DLC1: variants seen among roughly 807,000 people sequenced by gnomAD.
DLC1 encodes DLC1 Rho GTPase activating protein.
A neutral mutation model predicts 140.3 loss-of-function variants in DLC1; 54 were observed. The ratio of observed to expected loss-of-function variants is 0.38; its 90% CI spans 0.31 to 0.48. The LOEUF (loss-of-function observed/expected upper bound fraction) is 0.48, where lower values mean the gene tolerates loss of function less well. DLC1 is among the 20% of genes least tolerant of loss of function. The pLI, the probability that DLC1 is intolerant of heterozygous loss-of-function variation, is 0.96. For synonymous variants in DLC1, 986 were observed against 728.1 expected, an observed-to-expected ratio of 1.35 and a Z score of -5.70; for missense variants, 2,536 against 1,907.0, an observed-to-expected ratio of 1.33 and a Z score of -6.14.
At chr8:13,245,179 T>C (rs1342409569) in intron 5 of DLC1, among the ~76,000 whole-genome samples, 1 of 152,200 alleles carries the variant, frequency 6.6e-6, no homozygotes, top group Non-Finnish European at 1.5e-5. Context: ...GTGGCCACAC[T>C]GTGAGGAAGC....
chr8:13,427,711 A>G (rs1286285638), intron 2 of DLC1, among the ~76,000 whole-genome samples: 1 of 152,186 alleles, frequency 6.6e-6, no homozygotes, highest in African/African-American at 2.4e-5. Flanking sequence ...TTCTCATGGC[A>G]ATTATAGTCA....
At chr8:13,351,057 A>G (rs771592424) in intron 4 of DLC1, among the ~76,000 whole-genome samples, 1 of 152,210 alleles carries the variant, frequency 6.6e-6, no homozygotes, top group African/African-American at 2.4e-5. Flanking sequence ...GACAGTTTTC[A>G]TGAATAAGGT....
intron 2 of DLC1, among the ~76,000 whole-genome samples, chr8:13,427,423 G>A (rs1344396552): frequency 1.3e-5 from 2 of 152,238 alleles, no homozygotes; most frequent in Non-Finnish European, 2.9e-5. Flanking sequence ...TCATTCTAGT[G>A]AGAGCCATAT....
At chr8:13,505,158 A>T (rs1033756322) in intron 1 of DLC1, among the ~76,000 whole-genome samples, 2 of 152,224 alleles carry the variant, frequency 1.3e-5, no homozygotes, top group Non-Finnish European at 2.9e-5. Flanking sequence ...ATACTCCATA[A>T]GCTGTGGCTA....
intron 5 of DLC1, among the ~76,000 whole-genome samples, chr8:13,221,722 G>GTATATATATATA (rs372189535): frequency 3.0e-5 from 4 of 131,338 alleles, no homozygotes; most frequent in South Asian, 4.7e-4. Context: ...ATGTGTGTGT[G>GTATATATATATA]TGTGTATATA....
At chr8:13,570,095 C>G (rs1473677277) in intron 1 of DLC1, among the ~76,000 whole-genome samples, 1 of 152,158 alleles carries the variant, frequency 6.6e-6, no homozygotes, top group Non-Finnish European at 1.5e-5. Context: ...AAACAAAACT[C>G]TAAGTTGTTT....
intron 4 of DLC1, among the ~76,000 whole-genome samples, chr8:13,347,685 GA>G: frequency 6.6e-6 from 1 of 152,296 alleles, no homozygotes; most frequent in East Asian, 1.9e-4. Flanking sequence ...AACAAATTGG[GA>G]AAGATGGACA....
chr8:13,485,845 C>G (rs1800946219), intron 2 of DLC1, among the ~76,000 whole-genome samples: 5 of 152,122 alleles, frequency 3.3e-5, no homozygotes, highest in Admixed American at 2.6e-4. Context: ...CACAACTTAG[C>G]ATGCTTTTTG....
At chr8:13,253,877 A>G (rs1830107479) in intron 5 of DLC1, among the ~76,000 whole-genome samples, 1 of 152,226 alleles carries the variant, frequency 6.6e-6, no homozygotes, top group African/African-American at 2.4e-5. Context: ...TAGGAGTAAC[A>G]AAAACACTGT....
chr8:13,363,239 G>A (rs1166236578), intron 4 of DLC1, among the ~76,000 whole-genome samples: 3 of 152,148 alleles, frequency 2.0e-5, no homozygotes, highest in African/African-American at 7.2e-5. Context: ...TTATCTTTCT[G>A]CCACTTGTAT....
At chr8:13,390,422 T>G (rs1043240316) in intron 4 of DLC1, among the ~76,000 whole-genome samples, 2 of 152,200 alleles carry the variant, frequency 1.3e-5, no homozygotes, top group Non-Finnish European at 2.9e-5. Context: ...GTGCTTTAAG[T>G]GCTTTAATAA....
chr8:13,311,688 C>T (rs1158984699), intron 4 of DLC1, among the ~76,000 whole-genome samples: 1 of 152,108 alleles, frequency 6.6e-6, no homozygotes, highest in African/African-American at 2.4e-5. Flanking sequence ...CTATATGGTG[C>T]AGAAATTTGG....
chr8:13,185,122 C>CTTTTTTT lies in DLC1; in HGVS notation c.1349-69472_1349-69466dup, dbSNP rs1193667992. On this transcript the variant is annotated intron_variant, in intron 5 of 17. Transcript: ENST00000276297. ...TCAGAGACTAGGATTGCAACCCCTG[C>CTTTTTTT]TTTTTTTTTTTTTTTTTTTTGCTTT... 1.6e-3 allele frequency among the ~76,000 whole-genome samples: 138 copies of CTTTTTTT among 84,520 alleles called. 3 individuals are homozygous for CTTTTTTT. The highest frequency in any genetic ancestry group is 5.6e-3 in the African/African-American group (107 of 19,208). The allele number at this position is 84,520 out of a possible 152,430, so 55.4% of individuals were successfully genotyped here.
chr8:13,392,610 T>G (rs1488929617), intron 4 of DLC1, among the ~76,000 whole-genome samples: 2 of 152,182 alleles, frequency 1.3e-5, no homozygotes, highest in Non-Finnish European at 2.9e-5. Flanking sequence ...ACTATGATTT[T>G]CACTAAACTA....
chr8:13,236,518 A>C (rs1393170526), intron 5 of DLC1, among the ~76,000 whole-genome samples: 1 of 152,152 alleles, frequency 6.6e-6, no homozygotes, highest in Non-Finnish European at 1.5e-5. Flanking sequence ...ACAGGAAATT[A>C]TGGACAATAA....
intron 1 of DLC1, among the ~76,000 whole-genome samples, chr8:13,602,645 G>T (rs867533407): frequency 6.6e-6 from 1 of 151,774 alleles, no homozygotes; most frequent in Non-Finnish European, 1.5e-5. Flanking sequence ...TCACTATACT[G>T]CTCTGTACAT....
intron 2 of DLC1, among the ~76,000 whole-genome samples, chr8:13,417,242 A>G (rs143969061): frequency 0.036 from 5,406 of 151,850 alleles, 320 homozygotes; most frequent in African/African-American, 0.12. Flanking sequence ...AAGTTTTAGG[A>G]TACATGTGCA....
intron 2 of DLC1, among the ~76,000 whole-genome samples, chr8:13,441,846 T>G (rs566980336): frequency 6.6e-6 from 1 of 152,224 alleles, no homozygotes; most frequent in South Asian, 2.1e-4. Flanking sequence ...CTTCACAGAA[T>G]TGGAAAAAAC....
intron 4 of DLC1, among the ~76,000 whole-genome samples, chr8:13,367,171 C>T (rs1180124211): frequency 6.6e-6 from 1 of 152,094 alleles, no homozygotes; most frequent in East Asian, 1.9e-4. Flanking sequence ...CTACTTTAGT[C>T]CTGGTCACTC....
Sources: gnomAD v4.1 joint callset for allele counts (sites outside exome capture counted in the v4.1 genomes callset) on GRCh38, gnomAD v4.1.1 for gene constraint, MANE v1.5 for transcripts, NCBI Gene and HGNC (gene_info 2026-07-23, HGNC 2026-07-21) for gene names.